The following CPNE4 variants were observed in gnomAD, a reference collection of about 807,000 sequenced individuals.
The protein encoded by CPNE4 is copine 4, also known as copine-4.
A neutral mutation model predicts 67.9 loss-of-function variants in CPNE4; 25 were observed. The ratio of observed to expected loss-of-function variants is 0.37; its 90% CI spans 0.27 to 0.51. The LOEUF is 0.51. Ranked by LOEUF, CPNE4 falls within the 20% of genes least tolerant of loss-of-function variation. CPNE4 has a pLI of 0.93. For synonymous variants in CPNE4, 242 were observed against 244.9 expected (o/e 0.99, Z 0.11); for missense variants, 464 against 690.8 (o/e 0.67, Z 3.68).
chr3:131,723,800 G>A (rs917398667), intron 2 of CPNE4, among the ~76,000 whole-genome samples, 175 bp from the exon 3 acceptor site: 8 of 152,156 alleles, frequency 5.3e-5, no homozygotes, highest in East Asian at 3.9e-4. Context: ...AGAATGAGAC[G>A]AGTTTTAGGG....
chr3:131,903,491 C>A (rs558344490), intron 2 of CPNE4, among the ~76,000 whole-genome samples: 2 of 152,102 alleles, frequency 1.3e-5, no homozygotes, highest in African/African-American at 4.8e-5. Context: ...AACCTAGCTG[C>A]GGAATTCAAC....
At chr3:131,758,083 C>T (rs531163513) in intron 2 of CPNE4, among the ~76,000 whole-genome samples, 2 of 152,288 alleles carry the variant, frequency 1.3e-5, no homozygotes, top group East Asian at 3.9e-4. Context: ...AACTTGGGGA[C>T]ACACAGAGTC....
chr3:131,904,052 G>A (rs765668555), intron 2 of CPNE4, among the ~76,000 whole-genome samples: 10 of 152,098 alleles, frequency 6.6e-5, no homozygotes, highest in South Asian at 6.2e-4. Context: ...GGGGCCCATC[G>A]CTCTTTGAAG....
intron 2 of CPNE4, among the ~76,000 whole-genome samples, chr3:131,843,368 C>T (rs1021909952): frequency 2.8e-4 from 43 of 152,114 alleles, no homozygotes; most frequent in African/African-American, 9.7e-4. Flanking sequence ...CTCACCCACA[C>T]GTATTATAGG....
chr3:131,580,903 G>A (rs1937783753), intron 9 of CPNE4, among the ~76,000 whole-genome samples: 1 of 152,184 alleles, frequency 6.6e-6, no homozygotes, highest in Non-Finnish European at 1.5e-5. Context: ...GCTGGGCACG[G>A]TGGGTCATGC....
At chr3:131,664,201 C>T (rs1462566517) in intron 7 of CPNE4, among the ~76,000 whole-genome samples, 1 of 152,120 alleles carries the variant, frequency 6.6e-6, no homozygotes, top group African/African-American at 2.4e-5. Context: ...GACAGTTTTC[C>T]ACAGTGCTAG....
At chr3:131,822,572 A>T (rs772640534) in intron 2 of CPNE4, among the ~76,000 whole-genome samples, 1 of 152,202 alleles carries the variant, frequency 6.6e-6, no homozygotes, top group Non-Finnish European at 1.5e-5. Context: ...TGCTTTGGAA[A>T]GTTGTCTAGC....
At chr3:131,813,525 G>A (rs1224036274) in intron 2 of CPNE4, among the ~76,000 whole-genome samples, 1 of 149,870 alleles carries the variant, frequency 6.7e-6, no homozygotes, top group Non-Finnish European at 1.5e-5. Context: ...TATATTGTAT[G>A]TATGTATACA....
chr3:131,567,559 G>A (rs1033854355), intron 10 of CPNE4, among the ~76,000 whole-genome samples: 8 of 151,914 alleles, frequency 5.3e-5, no homozygotes, highest in Non-Finnish European at 1.0e-4. Context: ...CCCCAGGTAC[G>A]TCTCTTGCTT....
intron 11 of CPNE4, among the ~76,000 whole-genome samples, chr3:131,560,904 C>T (rs1158996135): frequency 6.6e-6 from 1 of 152,040 alleles, no homozygotes; most frequent in Admixed American, 6.5e-5. Context: ...CTTCAATGTA[C>T]AGCCAAGGCT....
intron 6 of CPNE4, among the ~76,000 whole-genome samples, chr3:131,676,743 T>C (rs1233032071): frequency 6.6e-6 from 1 of 152,214 alleles, no homozygotes. Flanking sequence ...TAGTATTCCG[T>C]GGTGTATATG....
chr3:131,966,531 A>C (rs111627209), intron 1 of CPNE4, among the ~76,000 whole-genome samples: 4 of 152,346 alleles, frequency 2.6e-5, no homozygotes, highest in African/African-American at 9.6e-5. Context: ...AAAAAATGAT[A>C]AAGGGGATAT....
At chr3:131,808,035 T>G (rs974628943) in intron 2 of CPNE4, among the ~76,000 whole-genome samples, 1 of 152,182 alleles carries the variant, frequency 6.6e-6, no homozygotes, top group Admixed American at 6.5e-5. Flanking sequence ...GAACTGAAAG[T>G]AACCATAGCA....
chr3:131,618,745 G>C (rs1348992982), intron 7 of CPNE4, among the ~76,000 whole-genome samples: 1 of 152,140 alleles, frequency 6.6e-6, no homozygotes, highest in African/African-American at 2.4e-5. Flanking sequence ...AAAGCCATGT[G>C]TGTTCATACA....
At chr3:131,695,549 G>A (rs2081133665) in intron 5 of CPNE4, among the ~76,000 whole-genome samples, 1 of 152,190 alleles carries the variant, frequency 6.6e-6, no homozygotes, top group African/African-American at 2.4e-5. Flanking sequence ...CACTGACCCA[G>A]TGGCTTATAA....
intron 3 of CPNE4, among the ~76,000 whole-genome samples, chr3:131,704,414 A>G (rs2081371821): frequency 6.6e-6 from 1 of 152,200 alleles, no homozygotes; most frequent in Non-Finnish European, 1.5e-5. Flanking sequence ...GTGAGGGCTG[A>G]CACTGGGTGT....
intron 7 of CPNE4, among the ~76,000 whole-genome samples, chr3:131,652,924 T>C (rs2079849683): frequency 6.6e-6 from 1 of 152,182 alleles, no homozygotes; most frequent in Non-Finnish European, 1.5e-5. Context: ...TGCCTTCAAC[T>C]CAGCAAATAC....
chr3:131,635,950 G>T (rs2079371508), intron 7 of CPNE4, among the ~76,000 whole-genome samples: 1 of 116,268 alleles, frequency 8.6e-6, no homozygotes, highest in Non-Finnish European at 1.6e-5. Flanking sequence ...GCGTAGTGGC[G>T]GGCGCCTGTA....
intron 10 of CPNE4, among the ~76,000 whole-genome samples, chr3:131,569,507 A>G (rs1471858620): frequency 6.6e-6 from 1 of 151,774 alleles, no homozygotes; most frequent in African/African-American, 2.4e-5. Context: ...GTGTGGTAGC[A>G]TATGGTTGTA....
Sources: allele counts gnomAD v4.1 joint callset (sites outside exome capture counted in the v4.1 genomes callset), GRCh38; gene constraint gnomAD v4.1.1; transcripts MANE v1.5; gene names NCBI Gene and HGNC (gene_info 2026-07-23, HGNC 2026-07-21).